MGST2: variants seen among roughly 807,000 people sequenced by gnomAD.
The protein encoded by MGST2 is glutathione peroxidase MGST2.
MGST2 carries 9 observed loss-of-function variants against 16.6 expected under a neutral mutation model. That is an observed-to-expected ratio of 0.54 (90% confidence interval 0.33 to 0.95). MGST2 has a LOEUF of 0.95. Among genes scored for constraint, MGST2 ranks in the 40% least tolerant of loss-of-function variants. The pLI, the probability that MGST2 is intolerant of heterozygous loss-of-function variation, is 0.03. For synonymous variants in MGST2, 79 were observed against 68.0 expected, an observed-to-expected ratio of 1.16 and a Z score of -0.79; for missense variants, 159 against 175.1, an observed-to-expected ratio of 0.91 and a Z score of 0.52.
the MGST2 span, among the ~76,000 whole-genome samples, chr4:139,749,976 A>G: frequency 6.6e-6 from 1 of 151,224 alleles, no homozygotes; most frequent in Non-Finnish European, 1.5e-5. Context: ...AACAGCTATC[A>G]TTTCATTAAT....
intron 5 of MGST2, among the ~76,000 whole-genome samples, chr4:139,731,808 G>A (rs1036655352): frequency 1.3e-5 from 2 of 152,190 alleles, no homozygotes; most frequent in Admixed American, 6.5e-5. Context: ...TGGAGAATGT[G>A]CTCAAAGGCG....
the MGST2 span, among the ~76,000 whole-genome samples, chr4:139,749,369 T>G: frequency 0.31 from 46,741 of 152,108 alleles, 9,191 homozygotes; most frequent in Non-Finnish European, 0.43. Context: ...TTTGGTGGCA[T>G]TAACATAGAT....
chr4:139,725,678 T>TG (rs1388083661), intron 5 of MGST2: 36 of 1,411,790 alleles, frequency 2.5e-5, no homozygotes, highest in Non-Finnish European at 3.2e-5. Flanking sequence ...AGTAAGGCAA[T>TG]GCCTCTGGCT....
chr4:139,674,091 T>C (rs1347144975), intron 1 of MGST2, among the ~76,000 whole-genome samples: 1 of 152,190 alleles, frequency 6.6e-6, no homozygotes, highest in Non-Finnish European at 1.5e-5. Context: ...AAAAAGTATC[T>C]GAGACAATTT....
chr4:139,703,650 A>G, intron 4 of MGST2, 114 bp downstream of exon 4: 1 of 967,578 alleles, frequency 1.0e-6, no homozygotes, highest in Non-Finnish European at 1.6e-6. Context: ...TGGCAAAAGT[A>G]ATCCATACTG....
intron 5 of MGST2, among the ~76,000 whole-genome samples, chr4:139,738,122 TAAC>T (rs1344948335): frequency 6.6e-6 from 1 of 152,250 alleles, no homozygotes; most frequent in Non-Finnish European, 1.5e-5. Flanking sequence ...GACTGGCACA[TAAC>T]AAACAGCTTG....
intron 5 of MGST2, among the ~76,000 whole-genome samples, chr4:139,724,565 G>T (rs986662457): frequency 1.3e-5 from 2 of 152,254 alleles, no homozygotes; most frequent in Non-Finnish European, 2.9e-5. Context: ...TTCTCTGCAA[G>T]AGGCTTCATA....
At chr4:139,744,029 C>G (rs1729241437), downstream of MGST2, among the ~76,000 whole-genome samples, 2 of 152,190 alleles carry the variant, frequency 1.3e-5, no homozygotes, top group South Asian at 4.1e-4. Flanking sequence ...CCCAGTCACT[C>G]TTAGTACCTC....
downstream of MGST2, among the ~76,000 whole-genome samples, chr4:139,708,196 G>A (rs1031077916): frequency 1.1e-4 from 17 of 152,176 alleles, no homozygotes; most frequent in African/African-American, 4.1e-4. Context: ...ATGGTTTTAG[G>A]TCTAACACGT....
intron 2 of MGST2, among the ~76,000 whole-genome samples, chr4:139,690,755 C>A (rs1261302301): frequency 1.3e-5 from 2 of 152,142 alleles, no homozygotes. Context: ...TTTTTCCCAC[C>A]CCCAAATAAC....
chr4:139,745,397 T>A (rs985578226), downstream of MGST2, among the ~76,000 whole-genome samples: 2 of 152,092 alleles, frequency 1.3e-5, no homozygotes, highest in African/African-American at 4.8e-5. Context: ...CAGGGCTGGA[T>A]CTGGAGAAAA....
chr4:139,723,679 CAG>C (rs1249569749), intron 5 of MGST2, among the ~76,000 whole-genome samples: 1 of 152,154 alleles, frequency 6.6e-6, no homozygotes, highest in Non-Finnish European at 1.5e-5. Context: ...TTCTGTAACA[CAG>C]GGGAATTATT....
the MGST2 span, among the ~76,000 whole-genome samples, chr4:139,753,749 T>G: frequency 1.3e-5 from 2 of 152,304 alleles, no homozygotes; most frequent in East Asian, 3.9e-4. Flanking sequence ...TCATTTCTTC[T>G]GTTTGTCCAT....
At chr4:139,703,421 G>A (rs1218337521) in intron 3 of MGST2, 34 bp from the exon 4 acceptor site, 2 of 1,560,150 alleles carry the variant, frequency 1.3e-6, no homozygotes, top group East Asian at 2.2e-5. Context: ...GTTGTATTTT[G>A]TGCCTTTTCT....
chr4:139,691,048 A>G (rs1187373537), intron 2 of MGST2, among the ~76,000 whole-genome samples: 1 of 152,216 alleles, frequency 6.6e-6, no homozygotes, highest in African/African-American at 2.4e-5. Context: ...TCCCAGGCAA[A>G]CCAAGATAGC....
intron 5 of MGST2, among the ~76,000 whole-genome samples, chr4:139,738,593 G>A (rs771277728): frequency 2.6e-5 from 4 of 152,112 alleles, no homozygotes; most frequent in Non-Finnish European, 5.9e-5. Context: ...GGAGCTAAAT[G>A]CTTAATTGAT....
chr4:139,687,415 A>T (rs1731621354), intron 2 of MGST2, among the ~76,000 whole-genome samples: 1 of 152,242 alleles, frequency 6.6e-6, no homozygotes, highest in Non-Finnish European at 1.5e-5. Flanking sequence ...TATCTGAAGT[A>T]GTTAGAGCAG....
rs1218762235 is a variant in MGST2, at chr4:139,735,855, G to A, written c.*49-4357G>A. Among the ~76,000 whole-genome samples, 6 of 152,014 alleles carry A rather than the reference G, an allele frequency of 3.9e-5. No homozygotes were observed. The East Asian group carries it at 1.2e-3, about 29-fold the overall frequency. ...CGAGGCGGTCCCGGGCGCGGGCAGGGGCGGTGCGGCGGCGCTCGGGAGACC... is the reference window on the plus strand; with the variant it reads ...CGAGGCGGTCCCGGGCGCGGGCAGGAGCGGTGCGGCGGCGCTCGGGAGACC... On this transcript the variant is annotated intron_variant, in intron 5 of 5. Transcript: ENST00000616265. The surrounding 1 kb of genome is among the most constrained non-coding windows in gnomAD (Gnocchi z 5.8).
intron 5 of MGST2, among the ~76,000 whole-genome samples, chr4:139,733,557 GA>G (rs3051189): frequency 0.35 from 43,665 of 126,000 alleles, 7,337 homozygotes; most frequent in African/African-American, 0.52. Flanking sequence ...AGCACAGTGT[GA>G]AAAAAAAAAA....
Sources: gnomAD v4.1 joint callset for allele counts (sites outside exome capture counted in the v4.1 genomes callset) on GRCh38, gnomAD v4.1.1 for gene constraint, Gnocchi (gnomAD v3.1) non-coding constraint, MANE v1.5 for transcripts, NCBI Gene and HGNC (gene_info 2026-07-23, HGNC 2026-07-21) for gene names.